TBC1D4: variants seen among roughly 807,000 people sequenced by gnomAD.
TBC1D4 encodes TBC1 domain family member 4, also known as TBC (Tre-2, BUB2, CDC16) domain-containing protein.
In TBC1D4, 121 loss-of-function variants were observed where a neutral mutation model predicts 142.5. The observed-to-expected ratio is 0.85, with a 90% CI of 0.73 to 0.99. TBC1D4 has a LOEUF of 0.99. Among genes scored for constraint, TBC1D4 ranks in the 50% least tolerant of loss-of-function variants. The pLI is 0.00. For missense variants in TBC1D4, 1,475 were observed against 1,606.6 expected (o/e 0.92, Z 1.40); for synonymous variants, 630 against 628.2 (o/e 1.00, Z -0.04).
At chr13:75,389,109 A>G (rs1181275720) in intron 1 of TBC1D4, among the ~76,000 whole-genome samples, 4 of 152,264 alleles carry the variant, frequency 2.6e-5, no homozygotes, top group African/African-American at 9.6e-5. Flanking sequence ...GCTGCCCATC[A>G]TCTATTCTGG....
At chr13:75,393,566 C>T (rs946168279) in intron 1 of TBC1D4, among the ~76,000 whole-genome samples, 3 of 152,082 alleles carry the variant, frequency 2.0e-5, no homozygotes, top group East Asian at 3.8e-4. Flanking sequence ...AACAATACAG[C>T]GGTTTAGAGT....
At chr13:75,454,835 A>G (rs1167499805) in intron 1 of TBC1D4, among the ~76,000 whole-genome samples, 1 of 152,184 alleles carries the variant, frequency 6.6e-6, no homozygotes, top group Non-Finnish European at 1.5e-5. Flanking sequence ...CTTTTGAAAT[A>G]CAATCTGTAA....
At chr13:75,383,098 G>A (rs1883948772) in intron 1 of TBC1D4, among the ~76,000 whole-genome samples, 1 of 152,196 alleles carries the variant, frequency 6.6e-6, no homozygotes, top group Non-Finnish European at 1.5e-5. Flanking sequence ...GAGGCAGGCG[G>A]CTCACTTGAG....
At chr13:75,332,098 A>T (rs1466096399) in intron 8 of TBC1D4, among the ~76,000 whole-genome samples, 1 of 152,240 alleles carries the variant, frequency 6.6e-6, no homozygotes, top group East Asian at 1.9e-4. Flanking sequence ...AATTGAAGGC[A>T]TGCAAAAAAG....
At chr13:75,457,978 A>C (rs1887809333) in intron 1 of TBC1D4, among the ~76,000 whole-genome samples, 1 of 152,200 alleles carries the variant, frequency 6.6e-6, no homozygotes, top group Non-Finnish European at 1.5e-5. Flanking sequence ...CTCTGGCCGC[A>C]TAGTAGCATC....
intron 1 of TBC1D4, among the ~76,000 whole-genome samples, chr13:75,364,200 C>T (rs1882762410): frequency 6.6e-6 from 1 of 152,162 alleles, no homozygotes; most frequent in Admixed American, 6.5e-5. Flanking sequence ...TTCTACTCAG[C>T]TCCAGCCACA....
chr13:75,451,098 G>A (rs138330416), intron 1 of TBC1D4, among the ~76,000 whole-genome samples: 11 of 152,134 alleles, frequency 7.2e-5, no homozygotes, highest in Non-Finnish European at 1.3e-4. Flanking sequence ...TTTCTTTACC[G>A]TATTTGCATT....
At position 75,410,997 on chromosome 13, in the gene TBC1D4, A is replaced by C. The variant is rs552180788; in HGVS notation, c.499-48390T>G. Among the ~76,000 whole-genome samples the C allele has an allele frequency of 7.6e-4, 116 of 151,698 alleles. 1 individual carries two copies. Among genetic ancestry groups the C allele is most frequent in the African/African-American group, 2.7e-3 (110 of 41,316 alleles). ...AGTGCAGACATAAAATATTTTAACT[A>C]ATATAAAATGTAAGACATTTCACAT... On this transcript the variant is annotated intron_variant, in intron 1 of 20. Coordinates refer to ENST00000377636, the MANE Select transcript of TBC1D4 (RefSeq NM_014832.5).
chr13:75,413,717 G>A (rs1407489866), intron 1 of TBC1D4, among the ~76,000 whole-genome samples: 1 of 152,038 alleles, frequency 6.6e-6, no homozygotes, highest in Non-Finnish European at 1.5e-5. Context: ...CATCACGGCG[G>A]GAAACACTTT....
chr13:75,390,833 GA>G (rs762193032), intron 1 of TBC1D4, among the ~76,000 whole-genome samples: 3 of 109,120 alleles, frequency 2.7e-5, no homozygotes, highest in South Asian at 8.4e-4. Context: ...TGGATAGATA[GA>G]TAAGGAAGGA....
chr13:75,356,053 T>C (rs901267063), intron 4 of TBC1D4, 94 bp downstream of exon 4: 2 of 890,180 alleles, frequency 2.2e-6, no homozygotes, highest in Non-Finnish European at 3.7e-6. Context: ...TTCCCATAGA[T>C]AGCCATATTG....
rs138664461 is a variant in TBC1D4 at position 75,442,461 on chromosome 13, T to C, written c.498+38809A>G. Reference sequence around the variant, plus strand: ...AACAAATTCAAAATCACTTAAATTTTGTTCTGGAATCATATAGTCTAAAAC... The same window carrying C: ...AACAAATTCAAAATCACTTAAATTTCGTTCTGGAATCATATAGTCTAAAAC... On this transcript the variant is annotated intron_variant, in intron 1 of 20. Transcript: ENST00000377636. Among the ~76,000 whole-genome samples, 39 of 152,258 alleles carry C rather than the reference T, an allele frequency of 2.6e-4. No individual in the cohort carries two copies. The East Asian group carries it at 6.9e-3, about 27-fold the overall frequency.
intron 1 of TBC1D4, among the ~76,000 whole-genome samples, chr13:75,461,076 G>A (rs1368207382): frequency 2.6e-5 from 4 of 152,146 alleles, no homozygotes; most frequent in Non-Finnish European, 5.9e-5. Context: ...TCCATAAATA[G>A]CCAATGTAGT....
At chr13:75,434,642 A>C (rs1197163220) in intron 1 of TBC1D4, among the ~76,000 whole-genome samples, 1 of 152,120 alleles carries the variant, frequency 6.6e-6, no homozygotes, top group Non-Finnish European at 1.5e-5. Context: ...CCAAACCGAA[A>C]ATAAAAGTTA....
At position 75,411,903 on chromosome 13, in the gene TBC1D4, T is replaced by A. The variant is rs556657133; in HGVS notation, c.499-49296A>T. On this transcript the variant is annotated intron_variant, in intron 1 of 20. Transcript: ENST00000377636. ...AAAAGCACTGCTTCCATTTGCAATATTAACTTTAGTTAATCCCATAAATTT... is the reference window on the plus strand; with the variant it reads ...AAAAGCACTGCTTCCATTTGCAATAATAACTTTAGTTAATCCCATAAATTT... 5.3e-4 allele frequency among the ~76,000 whole-genome samples: 80 copies of A among 152,252 alleles called. No homozygotes were observed. The South Asian group carries it at 0.016, about 31-fold the overall frequency.
intron 1 of TBC1D4, among the ~76,000 whole-genome samples, chr13:75,426,409 T>C (rs551266135): frequency 6.6e-6 from 1 of 152,344 alleles, no homozygotes; most frequent in Non-Finnish European, 1.5e-5. Flanking sequence ...ACAGAAAACA[T>C]GTATCCGGCT....
intron 1 of TBC1D4, among the ~76,000 whole-genome samples, chr13:75,382,076 G>T (rs1214729182): frequency 7.4e-6 from 1 of 134,540 alleles, no homozygotes; most frequent in African/African-American, 2.7e-5. Flanking sequence ...TTCTACTTCA[G>T]GCTCTCATTA....
intron 1 of TBC1D4, among the ~76,000 whole-genome samples, chr13:75,433,745 A>G (rs1886682372): frequency 6.6e-6 from 1 of 152,220 alleles, no homozygotes; most frequent in Non-Finnish European, 1.5e-5. Context: ...TATGAATGCG[A>G]AAAAATATTT....
At chr13:75,396,192 C>T (rs17064349) in intron 1 of TBC1D4, among the ~76,000 whole-genome samples, 8,134 of 152,240 alleles carry the variant, frequency 0.053, 713 homozygotes, top group African/African-American at 0.18. Flanking sequence ...AAAAATCAGT[C>T]GGCCTCCCAG....
Sources: allele counts gnomAD v4.1 joint callset (sites outside exome capture counted in the v4.1 genomes callset), GRCh38; gene constraint gnomAD v4.1.1; transcripts MANE v1.5; gene names NCBI Gene and HGNC (gene_info 2026-07-23, HGNC 2026-07-21).